Variants in CYTH4 observed in about 807,000 individuals in gnomAD.
CYTH4 encodes cytohesin-4.
In CYTH4, 22 loss-of-function variants were observed where a neutral mutation model predicts 57.5. The ratio of observed to expected loss-of-function variants is 0.38; its 90% confidence interval spans 0.27 to 0.55. The LOEUF (loss-of-function observed/expected upper bound fraction) is 0.55. Among genes scored for constraint, CYTH4 ranks in the 20% least tolerant of loss-of-function variants. CYTH4 has a pLI of 0.74. For missense variants in CYTH4, 420 were observed against 535.6 expected (o/e 0.78, Z 2.13); for synonymous variants, 186 against 206.5 (o/e 0.90, Z 0.85).
chr22:37,309,431 T>A, intron 9 of CYTH4, 108 bp downstream of exon 9: 1 of 958,196 alleles, frequency 1.0e-6, no homozygotes, highest in Non-Finnish European at 1.6e-6. Flanking sequence ...GACACGAGGC[T>A]CACATGCATC....
Position 37,297,611 on chromosome 22 carries a change from G to C in CYTH4, c.282G>C (p.Gln94His). The change falls in exon 5 of 13, where the codon CAG becomes CAC. Residue 94 changes from glutamine (Q) to histidine (H), a missense_variant. Transcript: ENST00000248901. ...ACAAGCTGCTGACCCCTGACGTCCA[G>C]GACATTGCACGGTTCCTGTATAAAG... ...IEHKLLTPDV[Q>H]DIARFLYKGE... is the part of the protein sequence containing the mutation. 1.2e-6 allele frequency: 2 copies of C among 1,614,016 alleles called. No homozygotes were observed. Among genetic ancestry groups the C allele is most frequent in the African/African-American group, 2.7e-5 (2 of 75,034 alleles).
chr22:37,310,016 C>T (rs1346954506), intron 9 of CYTH4: 3 of 469,358 alleles, frequency 6.4e-6, no homozygotes, highest in South Asian at 4.7e-5. Context: ...AAGCCGGGGA[C>T]AGCGCCTCCA....
At chr22:37,313,000 A>T (rs140936429) in intron 12 of CYTH4, among the ~76,000 whole-genome samples, 77 of 152,312 alleles carry the variant, frequency 5.1e-4, no homozygotes, top group African/African-American at 1.8e-3. Context: ...AGGCAGACCC[A>T]TTCTCACCTC....
At chr22:37,302,062 A>G (rs1433199879) in intron 7 of CYTH4, 4 of 169,128 alleles carry the variant, frequency 2.4e-5, no homozygotes, top group Non-Finnish European at 5.9e-5. Flanking sequence ...TCCCTCACGC[A>G]TGGAATATAG....
Position 37,299,250 on chromosome 22 carries a change from C to T in CYTH4, c.378C>T (p.Leu126=). The T allele has an allele frequency of 6.2e-7, 1 of 1,613,544 alleles. No homozygotes were observed. The highest frequency in any genetic ancestry group is 8.5e-7 in the Non-Finnish European group (1 of 1,179,670). The change falls in exon 6 of 13, where the codon CTC becomes CTT. Residue 126 remains leucine (L), a synonymous_variant. Coordinates refer to ENST00000248901, the MANE Select transcript of CYTH4 (RefSeq NM_013385.5). ...GGGATCCCATCAACCTGCAGGTCCTCCAGGCCTTCGTGGACTGCCACGAGT... is the reference window on the plus strand; with the variant it reads ...GGGATCCCATCAACCTGCAGGTCCTTCAGGCCTTCGTGGACTGCCACGAGT... The part of the protein sequence containing the change: ...GERDPINLQV[L]QAFVDCHEFA...
At position 37,303,045 on chromosome 22, in the gene CYTH4, GC is replaced by G. The variant is rs1271479360; in HGVS notation, c.548-208del. Among the ~76,000 whole-genome samples, 111 of 152,118 alleles carry G rather than the reference GC, an allele frequency of 7.3e-4. 1 individual carries two copies. Among genetic ancestry groups the G allele is most frequent in the Non-Finnish European group, 3.4e-4 (23 of 68,012 alleles). ...AGCGTACGCGCGGAGGTAGGAAGGGGCTCAGAAAAAGAGGCTGAGGTTAGTT... is the reference window on the plus strand; with the variant it reads ...AGCGTACGCGCGGAGGTAGGAAGGGGTCAGAAAAAGAGGCTGAGGTTAGTT... On this transcript the variant is annotated intron_variant, in intron 7 of 12. Transcript: ENST00000248901.
In CYTH4 at chr22:37,303,417, G is replaced by C; in HGVS notation, c.696+15G>C. The C allele has an allele frequency of 6.2e-7, 1 of 1,609,974 alleles. No individual in the cohort carries two copies. Among genetic ancestry groups the C allele is most frequent in the Non-Finnish European group, 8.5e-7 (1 of 1,178,368 alleles). ...ACCAGCTGCGGGTGAGAGAGGCGCAGCCCACCCAGCCTGGCCCCGGGGAAT... is the reference window on the plus strand; with the variant it reads ...ACCAGCTGCGGGTGAGAGAGGCGCACCCCACCCAGCCTGGCCCCGGGGAAT... On this transcript the variant is annotated intron_variant, in intron 8 of 12. Transcript: ENST00000248901.
At chr22:37,301,253 G>C (rs1001617803) in intron 7 of CYTH4, among the ~76,000 whole-genome samples, 1 of 152,306 alleles carries the variant, frequency 6.6e-6, no homozygotes, top group African/African-American at 2.4e-5. Context: ...GGATGCTAAG[G>C]CTAAGGCAGC....
intron 2 of CYTH4, 148 bp downstream of exon 2, chr22:37,292,851 G>A (rs575147123): frequency 1.4e-6 from 1 of 721,642 alleles, no homozygotes; most frequent in South Asian, 1.9e-5. Flanking sequence ...CCAGGAGCAG[G>A]GAGAACAACA....
At chr22:37,292,394 T>G in intron 1 of CYTH4, 4 of 516,332 alleles carry the variant, frequency 7.7e-6, no homozygotes, top group African/African-American at 2.0e-5. Flanking sequence ...ACAGGATCCT[T>G]TTGGGGGTGT....
In CYTH4 at chr22:37,312,179, G is replaced by A; in HGVS notation, c.1112+5G>A. The A allele has an allele frequency of 6.2e-7, 1 of 1,612,688 alleles. No individual in the cohort carries two copies. Among genetic ancestry groups the A allele is most frequent in the South Asian group, 1.1e-5 (1 of 91,052 alleles). ...CCAGTGGATCGAGTCCATCCGGTAA[G>A]GGGTGCCCAGGTCTGGGGACGGCTT... On this transcript the variant is annotated splice_donor_5th_base_variant and intron_variant, in intron 12 of 12. Transcript: ENST00000248901.
chr22:37,288,363 G>T (rs898724468), intron 1 of CYTH4, among the ~76,000 whole-genome samples: 1 of 152,184 alleles, frequency 6.6e-6, no homozygotes, highest in Non-Finnish European at 1.5e-5. Context: ...AGTGAGCAAA[G>T]GTCGTGCCAC....
At chr22:37,308,909 T>C (rs1929528590) in intron 8 of CYTH4, among the ~76,000 whole-genome samples, 2 of 152,064 alleles carry the variant, frequency 1.3e-5, no homozygotes, top group South Asian at 4.2e-4. Flanking sequence ...AGCATGTATA[T>C]TTGTATATAT....
Position 37,314,596 on chromosome 22 carries a change from G to T in CYTH4, c.*1085G>T. On this transcript the variant is annotated 3_prime_UTR_variant, in exon 13 of 13. Coordinates refer to ENST00000248901, the MANE Select transcript of CYTH4 (RefSeq NM_013385.5). ...GTCCCATGGTGATAAAGGGCAGCCC[G>T]GCGGGTCCCAGCATCTCGAGACCCT... 1 of 395,730 alleles carries T rather than the reference G, an allele frequency of 2.5e-6. No homozygotes were observed. Among genetic ancestry groups the T allele is most frequent in the Non-Finnish European group, 4.4e-6 (1 of 224,822 alleles). The allele number at this position is 395,730 out of a possible 1,614,324, so 24.5% of individuals were successfully genotyped here.
At chr22:37,303,560 C>T (rs761927990) in intron 8 of CYTH4, among the ~76,000 whole-genome samples, 158 bp downstream of exon 8, 3 of 152,246 alleles carry the variant, frequency 2.0e-5, no homozygotes, top group Non-Finnish European at 2.9e-5. Context: ...TGAGAGGCAC[C>T]GTCACAAAGC....
chr22:37,290,809 G>A (rs1489434705), intron 1 of CYTH4, among the ~76,000 whole-genome samples: 2 of 152,212 alleles, frequency 1.3e-5, no homozygotes, highest in East Asian at 3.8e-4. Flanking sequence ...TGCCTGACCG[G>A]GACTTGGCTT....
chr22:37,292,743 C>T, intron 2 of CYTH4, 40 bp downstream of exon 2: 1 of 1,598,964 alleles, frequency 6.3e-7, no homozygotes, highest in Non-Finnish European at 8.6e-7. Context: ...TCCATGCCCA[C>T]ACTCCTGCAC....
In CYTH4 at chr22:37,296,075, T is replaced by A. The variant is rs1025231868; in HGVS notation, c.234+10T>A. The A allele has an allele frequency of 3.1e-6, 5 of 1,611,190 alleles. No homozygotes were observed. Among genetic ancestry groups the A allele is most frequent in the African/African-American group, 2.7e-5 (2 of 74,862 alleles). On this transcript the variant is annotated intron_variant, in intron 4 of 12. Transcript: ENST00000248901. ...CATGGACCCCGCCAAGGTAGGTGGC[T>A]GTGGAGGGCCCGGGCCACAGGGTGT...
Position 37,313,689 on chromosome 22 carries a change from G to A in CYTH4, c.*178G>A, listed in dbSNP as rs1929735733. ...GAGCTCAGGAGGGTGGGTGGGAGCT[G>A]CAGTGGGCTCAGAGTCCAGCAATGA... is the stretch of plus-strand genomic sequence containing the variant. On this transcript the variant is annotated 3_prime_UTR_variant, in exon 13 of 13. Coordinates refer to ENST00000248901, the MANE Select transcript of CYTH4 (RefSeq NM_013385.5). 3.1e-6 allele frequency: 2 copies of A among 639,494 alleles called. No homozygotes were observed. The highest frequency in any genetic ancestry group is 5.4e-6 in the Non-Finnish European group (2 of 367,324). The allele number at this position is 639,494 out of a possible 1,614,324, so 39.6% of individuals were successfully genotyped here.
Sources: allele counts gnomAD v4.1 joint callset (sites outside exome capture counted in the v4.1 genomes callset), GRCh38; gene constraint gnomAD v4.1.1; transcripts MANE v1.5; gene names NCBI Gene and HGNC (gene_info 2026-07-23, HGNC 2026-07-21).